MYH10: variants seen among roughly 807,000 people sequenced by gnomAD.
MYH10 encodes myosin-10.
Under a neutral mutation model 257.8 loss-of-function variants are expected in MYH10, and 55 were observed. That is an observed-to-expected ratio of 0.21 (90% CI 0.17 to 0.27). The LOEUF (loss-of-function observed/expected upper bound fraction) is 0.27. Ranked by LOEUF, MYH10 falls within the 10% of genes least tolerant of loss-of-function variation. The probability of loss-of-function intolerance (pLI) is 1.00; values close to 1 mark genes in which losing one functional copy is unlikely to be tolerated. For missense variants in MYH10, 1,631 were observed against 2,500.6 expected (o/e 0.65, Z 7.42); for synonymous variants, 854 against 921.7 (o/e 0.93, Z 1.33).
intron 7 of MYH10, among the ~76,000 whole-genome samples, chr17:8,555,109 G>GA (rs1281050745): frequency 2.8e-5 from 4 of 145,306 alleles, no homozygotes; most frequent in South Asian, 2.2e-4. Flanking sequence ...TCTCAAAAAA[G>GA]AAAAAAAAAG....
chr17:8,590,873 CTTTT>C (rs398030291), intron 3 of MYH10, among the ~76,000 whole-genome samples: 2 of 90,094 alleles, frequency 2.2e-5, no homozygotes, highest in East Asian at 3.5e-4. Flanking sequence ...TCAATGTCGC[CTTTT>C]TTTTTTTTTT....
At chr17:8,557,218 A>G (rs924272042) in intron 7 of MYH10, among the ~76,000 whole-genome samples, 9 of 152,212 alleles carry the variant, frequency 5.9e-5, no homozygotes, top group Non-Finnish European at 1.3e-4. Context: ...AAAAAAAGAA[A>G]AGAGGAATCA....
At chr17:8,578,833 T>A (rs766629526) in intron 4 of MYH10, among the ~76,000 whole-genome samples, 1 of 151,982 alleles carries the variant, frequency 6.6e-6, no homozygotes, top group Admixed American at 6.5e-5. Flanking sequence ...ATAAGAAAAA[T>A]TTCAATATCT....
chr17:8,573,740 A>T, intron 6 of MYH10: 1 of 646,516 alleles, frequency 1.5e-6, no homozygotes, highest in Non-Finnish European at 1.9e-6. Context: ...AAAAGTTCAT[A>T]GATAAATGTT....
At chr17:8,549,950 G>A (rs889532563) in intron 9 of MYH10, among the ~76,000 whole-genome samples, 6 of 151,252 alleles carry the variant, frequency 4.0e-5, no homozygotes, top group Non-Finnish European at 5.9e-5. Context: ...TCGGCCTCCC[G>A]AGGTGCCGGG....
intron 40 of MYH10, 35 bp from the exon 41 acceptor site, chr17:8,478,481 G>A: frequency 6.3e-7 from 1 of 1,592,290 alleles, no homozygotes; most frequent in Non-Finnish European, 8.6e-7. Flanking sequence ...TGAAATTCTT[G>A]AAATGGTATT....
intron 31 of MYH10, among the ~76,000 whole-genome samples, chr17:8,494,246 G>A (rs1355371409): frequency 6.6e-6 from 1 of 152,110 alleles, no homozygotes; most frequent in Non-Finnish European, 1.5e-5. Context: ...CTTAGTTCAG[G>A]CCCTCAGCCC....
intron 2 of MYH10, among the ~76,000 whole-genome samples, chr17:8,613,856 G>A (rs752352908): frequency 1.1e-4 from 17 of 152,046 alleles, no homozygotes; most frequent in Non-Finnish European, 2.4e-4. Flanking sequence ...AAAGCTGAAA[G>A]TAAGTTAAGA....
chr17:8,546,716 C>G, intron 11 of MYH10, 54 bp from the exon 12 acceptor site: 1 of 1,248,640 alleles, frequency 8.0e-7, no homozygotes, highest in African/African-American at 1.5e-5. Flanking sequence ...AATCTACTCA[C>G]AATATATTCA....
At chr17:8,609,891 A>C (rs976702137) in intron 2 of MYH10, among the ~76,000 whole-genome samples, 1 of 152,120 alleles carries the variant, frequency 6.6e-6, no homozygotes, top group Non-Finnish European at 1.5e-5. Flanking sequence ...GAAAATAGCA[A>C]AAACACTCTG....
chr17:8,570,854 C>T (rs993427339), intron 6 of MYH10, among the ~76,000 whole-genome samples: 15 of 152,100 alleles, frequency 9.9e-5, no homozygotes, highest in African/African-American at 3.6e-4. Flanking sequence ...TCTGTCACGC[C>T]GCCCTGGTGT....
chr17:8,523,355 A>G (rs2081722212), intron 17 of MYH10, among the ~76,000 whole-genome samples: 1 of 152,266 alleles, frequency 6.6e-6, no homozygotes, highest in Admixed American at 6.5e-5. Context: ...TAAATTATGT[A>G]AACATTAAAT....
At chr17:8,574,820 C>T (rs981610428) in intron 6 of MYH10, among the ~76,000 whole-genome samples, 3 of 152,200 alleles carry the variant, frequency 2.0e-5, no homozygotes, top group African/African-American at 7.2e-5. Flanking sequence ...GGCAATCATT[C>T]AAGTTGGGTG....
intron 4 of MYH10, among the ~76,000 whole-genome samples, chr17:8,581,783 T>A (rs1233562929): frequency 6.6e-6 from 1 of 152,260 alleles, no homozygotes; most frequent in African/African-American, 2.4e-5. Context: ...ACTCATATAT[T>A]CATCCACTAT....
At chr17:8,576,007 G>A (rs1284200171) in intron 6 of MYH10, among the ~76,000 whole-genome samples, 2 of 152,192 alleles carry the variant, frequency 1.3e-5, no homozygotes, top group African/African-American at 2.4e-5. Context: ...ATAGAGATGA[G>A]GTCTTGCTCC....
chr17:8,579,221 G>A (rs1440588754), intron 4 of MYH10, among the ~76,000 whole-genome samples: 1 of 151,364 alleles, frequency 6.6e-6, no homozygotes, highest in Non-Finnish European at 1.5e-5. Context: ...TGAGGCTGCA[G>A]TGAGCTGTGA....
At chr17:8,554,588 C>T (rs76549703) in intron 7 of MYH10, among the ~76,000 whole-genome samples, 1,935 of 151,986 alleles carry the variant, frequency 0.013, 34 homozygotes, top group African/African-American at 0.045. Context: ...AGAGGAAAAT[C>T]GTGATTATTT....
intron 41 of MYH10, among the ~76,000 whole-genome samples, chr17:8,478,079 C>T (rs1912992694): frequency 1.3e-5 from 2 of 152,324 alleles, no homozygotes; most frequent in Middle Eastern, 3.4e-3. Context: ...CCTGTACTCA[C>T]GAAGCACACA....
chr17:8,609,038 CCT>C (rs1304500146), intron 2 of MYH10, among the ~76,000 whole-genome samples: 1 of 152,168 alleles, frequency 6.6e-6, no homozygotes, highest in Non-Finnish European at 1.5e-5. Flanking sequence ...GCCTCGATCC[CCT>C]GACCTCGTGA....
Sources: allele counts gnomAD v4.1 joint callset (sites outside exome capture counted in the v4.1 genomes callset), GRCh38; gene constraint gnomAD v4.1.1; transcripts MANE v1.5; gene names NCBI Gene and HGNC (gene_info 2026-07-23, HGNC 2026-07-21).